The following KIAA0586 variants were observed in gnomAD, a reference collection of about 807,000 sequenced individuals.
KIAA0586 encodes the protein KIAA0586, also known as protein TALPID3.
A neutral mutation model predicts 169.8 loss-of-function variants in KIAA0586; 144 were observed. The observed-to-expected ratio is 0.85, with a 90% CI of 0.74 to 0.97. The LOEUF is 0.97. Ranked by LOEUF, KIAA0586 falls within the 50% of genes least tolerant of loss-of-function variation. The pLI is 0.00. For missense variants in KIAA0586, 1,854 were observed against 1,823.0 expected (o/e 1.02, Z -0.31); for synonymous variants, 625 against 612.4 (o/e 1.02, Z -0.30).
At chr14:58,455,671 C>CGTGT (rs113621863) in intron 9 of KIAA0586, among the ~76,000 whole-genome samples, 7,398 of 150,094 alleles carry the variant, frequency 0.049, 218 homozygotes, top group African/African-American at 0.07. Context: ...CCATGGATTA[C>CGTGT]GTGTGTGTGT....
intron 29 of KIAA0586, among the ~76,000 whole-genome samples, chr14:58,520,542 G>C (rs1175298536): frequency 6.7e-6 from 1 of 148,448 alleles, no homozygotes; most frequent in Non-Finnish European, 1.5e-5. Flanking sequence ...TTGTTGTTGA[G>C]ACAGAATTTT....
At chr14:58,508,089 G>C (rs1175491472) in intron 27 of KIAA0586, among the ~76,000 whole-genome samples, 1 of 152,058 alleles carries the variant, frequency 6.6e-6, no homozygotes, top group African/African-American at 2.4e-5. Flanking sequence ...AGCCAGAGGT[G>C]CCATTTAGAT....
At position 58,534,585 on chromosome 14, in the gene KIAA0586, G is replaced by T. The variant is rs368179851; in HGVS notation, c.4430-5486G>T. On this transcript the variant is annotated intron_variant, in intron 29 of 30. Transcript: ENST00000652326. The stretch of plus-strand genomic sequence containing the variant: ...ATCCTAGATAGTAAGCCCTGTGAGA[G>T]TTAAACTACAGCAACAACAAAATCT... Among the ~76,000 whole-genome samples the T allele has an allele frequency of 2.6e-5, 4 of 152,226 alleles. 1 individual carries two copies.
intron 30 of KIAA0586, among the ~76,000 whole-genome samples, chr14:58,542,575 A>G (rs1035930742): frequency 3.3e-5 from 5 of 152,194 alleles, no homozygotes; most frequent in African/African-American, 9.7e-5. Flanking sequence ...ACAGTTAACT[A>G]GAGTTTAAAC....
chr14:58,490,363 C>T (rs1219606880), intron 25 of KIAA0586, 123 bp downstream of exon 25: 1 of 465,406 alleles, frequency 2.1e-6, no homozygotes, highest in Non-Finnish European at 3.8e-6. Flanking sequence ...GTAAAATAAC[C>T]ATGAAATAAT....
At chr14:58,443,028 G>C (rs1469882979) in intron 5 of KIAA0586, 148 bp downstream of exon 5, 6 of 626,396 alleles carry the variant, frequency 9.6e-6, no homozygotes, top group Non-Finnish European at 1.4e-5. Flanking sequence ...ATTTGTGGTT[G>C]TGTGTTACTT....
Position 58,428,448 on chromosome 14 carries a change from A to C in KIAA0586, c.184A>C (p.Asn62His). ...RLPVGTGTSL[N>H]GTSRGSSDLT... is the part of the protein sequence containing the mutation. ...TCCTGTTGGAACGGGGACTAGTTTG[A>C]ATGGAACATCACGTGGTATGTGATT... Residue 62 changes from asparagine (N) to histidine (H), a missense_variant, in exon 1 of 31, where the codon AAT becomes CAT. By Grantham distance (68) the Asn-to-His change is moderately conservative. Coordinates refer to ENST00000652326, the MANE Select transcript of KIAA0586 (RefSeq NM_001329943.3). 6.2e-7 allele frequency: 1 copy of C among 1,612,422 alleles called. No individual in the cohort carries two copies. The highest frequency in any genetic ancestry group is 8.5e-7 in the Non-Finnish European group (1 of 1,178,438).
intron 29 of KIAA0586, among the ~76,000 whole-genome samples, chr14:58,520,102 A>G (rs1265662305): frequency 7.2e-5 from 11 of 152,218 alleles, no homozygotes. Context: ...GGAAAATTAA[A>G]TCAGCTTAGA....
At chr14:58,534,733 G>C (rs1457967822) in intron 29 of KIAA0586, among the ~76,000 whole-genome samples, 1 of 152,102 alleles carries the variant, frequency 6.6e-6, no homozygotes, top group Admixed American at 6.5e-5. Flanking sequence ...CTATTTATTT[G>C]ATATTAAAGG....
chr14:58,441,371 T>C, intron 4 of KIAA0586: 1 of 400,518 alleles, frequency 2.5e-6, no homozygotes. Flanking sequence ...TGGCTAATTT[T>C]TGTATTTTTT....
At chr14:58,430,556 G>A (rs1389597204) in intron 2 of KIAA0586, 92 bp from the exon 3 acceptor site, 2 of 721,262 alleles carry the variant, frequency 2.8e-6, no homozygotes, top group Admixed American at 2.7e-5. Context: ...TGCCCTCCCA[G>A]AACACAGTAG....
intron 6 of KIAA0586, 76 bp downstream of exon 6, chr14:58,444,251 T>A: frequency 2.2e-6 from 2 of 897,994 alleles, no homozygotes; most frequent in Non-Finnish European, 3.5e-6. Context: ...CATTGATAAT[T>A]ACAGTAGCTC....
chr14:58,517,399 GA>G (rs1327205653), intron 29 of KIAA0586, among the ~76,000 whole-genome samples: 1 of 152,110 alleles, frequency 6.6e-6, no homozygotes, highest in Admixed American at 6.6e-5. Flanking sequence ...TAGTAATTGG[GA>G]AGATGCAAAT....
the KIAA0586 span, among the ~76,000 whole-genome samples, chr14:58,559,314 G>A: frequency 3.9e-3 from 588 of 152,300 alleles, 4 homozygotes; most frequent in Middle Eastern, 0.014. Flanking sequence ...GGGAGCTCTG[G>A]ATACTTGTTC....
At chr14:58,541,408 A>G (rs879924981) in intron 30 of KIAA0586, among the ~76,000 whole-genome samples, 20 of 152,222 alleles carry the variant, frequency 1.3e-4, no homozygotes, top group Admixed American at 1.3e-3. Context: ...CTCAGAACAC[A>G]AAGACTGTCA....
chr14:58,457,565 G>A (rs954606341), intron 10 of KIAA0586, among the ~76,000 whole-genome samples, 194 bp from the exon 11 acceptor site: 2 of 152,194 alleles, frequency 1.3e-5, no homozygotes, highest in Non-Finnish European at 2.9e-5. Flanking sequence ...ACCATGCCTG[G>A]CCCACATTAG....
In KIAA0586 at chr14:58,511,945, G is replaced by T. The variant is rs1426254876; in HGVS notation, c.4324-577G>T. ...ACAATTTGTGATGTGTGATTACGAA[G>T]AGATTTATGACTACTGTAAATTTCA... is the stretch of plus-strand genomic sequence containing the variant. On this transcript the variant is annotated intron_variant, in intron 28 of 30. Coordinates refer to ENST00000652326, the MANE Select transcript of KIAA0586 (RefSeq NM_001329943.3). Among the ~76,000 whole-genome samples the T allele has an allele frequency of 2.0e-5, 3 of 152,146 alleles. No individual in the cohort carries two copies. In the East Asian group the frequency reaches 5.8e-4, roughly 29 times the overall value.
chr14:58,510,298 G>A (rs1015461710), intron 28 of KIAA0586, among the ~76,000 whole-genome samples: 2 of 152,186 alleles, frequency 1.3e-5, no homozygotes, highest in South Asian at 2.1e-4. Flanking sequence ...GAACCCAGAA[G>A]GTGGAGTTTG....
intron 20 of KIAA0586, among the ~76,000 whole-genome samples, chr14:58,479,959 G>A (rs568944967): frequency 1.3e-5 from 2 of 152,054 alleles, no homozygotes; most frequent in African/African-American, 2.4e-5. Flanking sequence ...GATAGTGAAA[G>A]TTTTTCTAAC....
Sources: gnomAD v4.1 joint callset for allele counts (sites outside exome capture counted in the v4.1 genomes callset) on GRCh38, gnomAD v4.1.1 for gene constraint, MANE v1.5 for transcripts, NCBI Gene and HGNC (gene_info 2026-07-23, HGNC 2026-07-21) for gene names.